Variants in MALAT1 observed in about 807,000 individuals in gnomAD.
MALAT1 encodes metastasis associated lung adenocarcinoma transcript 1, also known as hepcarcin.
At chr11:65,501,548 A>C (rs1590703000) in exon 3 of MALAT1, 1 of 518,888 alleles carries the variant, frequency 1.9e-6, no homozygotes. Context: ...AACAGGGAAG[A>C]GAGAGGGTGG....
exon 4 of MALAT1, chr11:65,506,323 C>T (rs199677975): frequency 6.4e-6 from 3 of 469,942 alleles, no homozygotes; most frequent in Non-Finnish European, 1.2e-5. Context: ...TTGTCAGGAG[C>T]TTGACTTGAT....
chr11:65,499,219 T>C (rs760050102), exon 3 of MALAT1: 3 of 501,990 alleles, frequency 6.0e-6, no homozygotes, highest in Non-Finnish European at 1.2e-5. Flanking sequence ...GTAATTTTAA[T>C]AGCTTAAGAT....
At chr11:65,497,913 T>C (rs1565670765) in intron 1 of MALAT1, 1 of 518,774 alleles carries the variant, frequency 1.9e-6, no homozygotes, top group South Asian at 1.4e-5. Flanking sequence ...CCAGAGTCCT[T>C]GGGACGCAGC....
exon 3 of MALAT1, chr11:65,502,506 T>G (rs1854572412): frequency 2.1e-6 from 1 of 484,190 alleles, no homozygotes; most frequent in South Asian, 1.5e-5. Flanking sequence ...AAAAATTTTG[T>G]AAATTGTTTA....
rs538343871 is a variant in MALAT1 at position 65,505,125 on chromosome 11, CTG to C, written n.5169-1131_5169-1130del. 145 of 518,972 alleles carry C rather than the reference CTG, an allele frequency of 2.8e-4. 3 individuals carry two copies. Among genetic ancestry groups the C allele is most frequent in the East Asian group, 1.7e-3 (31 of 18,358 alleles). The allele number at this position is 518,972 out of a possible 1,614,324, so 32.1% of individuals were successfully genotyped here. ...CTGGAGTAACTGGCATGTGAGCAAA[CTG>C]TGTTGGCGTGGGGGTGGAGGGGTGA... On this transcript the variant is annotated intron_variant and non_coding_transcript_variant, in intron 3 of 3. Transcript: ENST00000619449.
chr11:65,502,572 T>G (rs372084939), exon 3 of MALAT1: 1 of 484,990 alleles, frequency 2.1e-6, no homozygotes, highest in Non-Finnish European at 4.0e-6. Context: ...ATAGTTCAGC[T>G]TGAATGTCTC....
chr11:65,500,697 C>G (rs769885448), exon 3 of MALAT1: 10 of 518,824 alleles, frequency 1.9e-5, no homozygotes, highest in Non-Finnish European at 3.8e-5. Context: ...GGCGAGCAGG[C>G]GTTGTGCGTA....
chr11:65,502,411 G>A (rs1446840081), exon 3 of MALAT1: 2 of 504,960 alleles, frequency 4.0e-6, no homozygotes, highest in African/African-American at 3.9e-5. Flanking sequence ...TCTATTTTCA[G>A]TTGTGTGTAA....
chr11:65,503,693 G>A, exon 3 of MALAT1: 1 of 517,688 alleles, frequency 1.9e-6, no homozygotes, highest in Non-Finnish European at 3.9e-6. Context: ...TCAGTGTTGG[G>A]GCAATCTTGG....
At chr11:65,505,622 A>T (rs539545878) in intron 3 of MALAT1, 4 of 519,032 alleles carry the variant, frequency 7.7e-6, no homozygotes, top group East Asian at 5.4e-5. Context: ...TGCAGCCAGT[A>T]GCTTGGATCC....
exon 3 of MALAT1, chr11:65,501,284 C>G (rs749838730): frequency 1.9e-6 from 1 of 517,852 alleles, no homozygotes; most frequent in African/African-American, 1.9e-5. Context: ...TTAGGTCTGT[C>G]TAGAATCCTA....
intron 3 of MALAT1, chr11:65,504,664 C>T (rs756944030): frequency 1.9e-6 from 1 of 518,814 alleles, no homozygotes; most frequent in South Asian, 1.4e-5. Context: ...CCAGATGCAA[C>T]CTTAAAATCA....
intron 1 of MALAT1, chr11:65,497,982 T>C (rs777882201): frequency 3.9e-6 from 2 of 518,916 alleles, no homozygotes; most frequent in Non-Finnish European, 7.7e-6. Context: ...GGTGGTGGTA[T>C]TTAGATAAAA....
rs369016107 is a variant in MALAT1 at position 65,499,263 on chromosome 11, C to G, written n.526C>G. The G allele has an allele frequency of 2.4e-4, 125 of 513,630 alleles. 3 individuals carry two copies. Among genetic ancestry groups the G allele is most frequent in the South Asian group, 1.6e-3 (112 of 70,408 alleles). 31.8% of individuals were successfully genotyped at this position (513,630 alleles called of 1,614,324 possible). A position where few individuals can be genotyped will look rare whatever the true frequency, so the allele number is the denominator to read the frequency against. On this transcript the variant is annotated non_coding_transcript_exon_variant, in exon 3 of 4. Transcript: ENST00000619449. ...AAAATATGAAGACTTAGAAGAGTAG[C>G]ATGAGGAAGGAAAAGATAAAAGGTT...
chr11:65,503,650 C>A (rs987474259), exon 3 of MALAT1: 1 of 513,060 alleles, frequency 1.9e-6, no homozygotes, highest in Non-Finnish European at 3.9e-6. Context: ...AAAGCTGTCT[C>A]CTTATTTAAA....
chr11:65,499,732 A>C (rs942018395), exon 3 of MALAT1: 1 of 434,368 alleles, frequency 2.3e-6, no homozygotes, highest in Non-Finnish European at 4.5e-6. Context: ...GAAGATAAAA[A>C]CATACTTTTA....
At chr11:65,503,511 A>G (rs1294899571) in exon 3 of MALAT1, 1 of 518,642 alleles carries the variant, frequency 1.9e-6, no homozygotes, top group Non-Finnish European at 3.8e-6. Context: ...CTATGAAAGG[A>G]ATAGCATGAT....
chr11:65,498,152 C>G (rs776801187), intron 1 of MALAT1: 5 of 518,850 alleles, frequency 9.6e-6, no homozygotes, highest in African/African-American at 9.6e-5. Context: ...AGTGTAAACA[C>G]TTCTGGGTGT....
chr11:65,503,437 C>G (rs560773874), exon 3 of MALAT1: 2 of 517,442 alleles, frequency 3.9e-6, no homozygotes, highest in Non-Finnish European at 7.7e-6. Context: ...TTAAAAGCCT[C>G]TAAAGTGATC....
Sources: allele counts gnomAD v4.1 joint callset, GRCh38; gene constraint gnomAD v4.1.1; transcripts MANE v1.5; gene names NCBI Gene and HGNC (gene_info 2026-07-23, HGNC 2026-07-21).